The following BLK variants were observed in gnomAD, a reference collection of about 807,000 sequenced individuals.
BLK encodes tyrosine-protein kinase Blk.
Under a neutral mutation model 61.8 loss-of-function variants are expected in BLK, and 64 were observed. The observed-to-expected ratio is 1.03, with a 90% CI of 0.85 to 1.27. The LOEUF (loss-of-function observed/expected upper bound fraction) is 1.27. Among genes scored for constraint, BLK ranks in the 50% most tolerant of loss-of-function variants. BLK has a pLI of 0.00. For missense variants in BLK, 853 were observed against 660.5 expected (o/e 1.29, Z -3.19); for synonymous variants, 351 against 272.0 (o/e 1.29, Z -2.86).
At chr8:11,562,069 T>C (rs1276759499) in intron 11 of BLK, among the ~76,000 whole-genome samples, 3 of 152,190 alleles carry the variant, frequency 2.0e-5, no homozygotes. Context: ...TCTGCCTGCC[T>C]TGACCTCCCA....
rs771406613 is a variant in BLK at position 11,555,444 on chromosome 8, C to T, written c.732C>T (p.Val244=). ...TCCCCCGGCAGTCTCTCAGGCTGGT[C>T]AGGAAACTCGGGTCTGGACAATTCG... The part of the protein sequence containing the change: ...WEIPRQSLRL[V]RKLGSGQFGE... Residue 244 remains valine, a synonymous_variant, in exon 8 of 13, where the codon GTC becomes GTT. Coordinates refer to ENST00000259089, the MANE Select transcript of BLK (RefSeq NM_001715.3). 1 of 1,614,162 alleles carries T rather than the reference C, an allele frequency of 6.2e-7. No homozygotes were observed. Among genetic ancestry groups the T allele is most frequent in the Non-Finnish European group, 8.5e-7 (1 of 1,180,016 alleles).
intron 7 of BLK, 77 bp from the exon 8 acceptor site, chr8:11,555,255 T>C: frequency 1.2e-6 from 2 of 1,600,314 alleles, no homozygotes; most frequent in Non-Finnish European, 1.7e-6. Flanking sequence ...GAGGGCCAGC[T>C]AGGAATGATA....
rs1372529914 is a variant in BLK, at chr8:11,541,039, G to A, written c.-1-2185G>A. 2.0e-5 allele frequency among the ~76,000 whole-genome samples: 3 copies of A among 152,186 alleles called. No homozygotes were observed. In the South Asian group the frequency reaches 6.2e-4, roughly 32 times the overall value. ...CCAGTACTTTGGGAGGCTGAGATGGGCAGGTCACTTGAGCTCTGGAGTTTG... is the reference window on the plus strand; with the variant it reads ...CCAGTACTTTGGGAGGCTGAGATGGACAGGTCACTTGAGCTCTGGAGTTTG... On this transcript the variant is annotated intron_variant, in intron 1 of 12. Coordinates refer to ENST00000259089, the MANE Select transcript of BLK (RefSeq NM_001715.3).
chr8:11,535,123 A>G (rs1469925106), intron 1 of BLK, among the ~76,000 whole-genome samples: 1 of 151,944 alleles, frequency 6.6e-6, no homozygotes, highest in Non-Finnish European at 1.5e-5. Flanking sequence ...GGCTGCAGTG[A>G]GCCATGATCA....
chr8:11,538,193 C>G (rs998100166), intron 1 of BLK, among the ~76,000 whole-genome samples: 43 of 152,174 alleles, frequency 2.8e-4, no homozygotes, highest in African/African-American at 7.5e-4. Context: ...TCCTCTCCCA[C>G]TCTCTCACAA....
chr8:11,539,369 G>C (rs890972389), intron 1 of BLK, among the ~76,000 whole-genome samples: 5 of 152,172 alleles, frequency 3.3e-5, no homozygotes, highest in Admixed American at 1.3e-4. Context: ...AGTTGTATGA[G>C]AGATTTATAG....
chr8:11,494,623 G>T (rs567338731), intron 1 of BLK, 32 bp downstream of exon 1: 1 of 152,392 alleles, frequency 6.6e-6, no homozygotes, highest in African/African-American at 2.4e-5. Context: ...GTTCTTTATC[G>T]TCTTCCTTTA....
chr8:11,560,757 C>T (rs947529958), intron 10 of BLK: 1 of 426,634 alleles, frequency 2.3e-6, no homozygotes, highest in African/African-American at 2.0e-5. Context: ...ACAAATCAAC[C>T]TCGTCTAATG....
intron 8 of BLK, 91 bp from the exon 9 acceptor site, chr8:11,556,567 C>T (rs749113818): frequency 2.1e-5 from 31 of 1,495,240 alleles, no homozygotes; most frequent in Non-Finnish European, 2.5e-5. Context: ...AATGGGGTGG[C>T]ACCTGGGCAC....
chr8:11,498,257 G>A (rs1447427579), intron 1 of BLK, among the ~76,000 whole-genome samples: 1 of 152,184 alleles, frequency 6.6e-6, no homozygotes, highest in East Asian at 1.9e-4. Context: ...GTGTATGTGT[G>A]AAACGCACAA....
intron 1 of BLK, among the ~76,000 whole-genome samples, chr8:11,528,795 T>C (rs1262095907): frequency 2.6e-5 from 4 of 152,100 alleles, no homozygotes; most frequent in Non-Finnish European, 5.9e-5. Context: ...ATTATGTCCT[T>C]TGCATGGAAG....
intron 10 of BLK, chr8:11,559,016 G>A (rs557011793): frequency 3.0e-4 from 138 of 456,254 alleles, no homozygotes; most frequent in African/African-American, 1.8e-3. Flanking sequence ...GCTGGTAACC[G>A]GCTTCAAACC....
In BLK at chr8:11,500,466, G is replaced by C. The variant is rs559442660; in HGVS notation, c.-2+5875G>C. ...CTGCCTTGGCCTCCCAAAGTGTTGG[G>C]ATTACAAGCATAAACCACTGCACCT... On this transcript the variant is annotated intron_variant, in intron 1 of 12. Coordinates refer to ENST00000259089, the MANE Select transcript of BLK (RefSeq NM_001715.3). Among the ~76,000 whole-genome samples, 71 of 152,176 alleles carry C rather than the reference G, an allele frequency of 4.7e-4. 1 individual carries two copies. The highest frequency in any genetic ancestry group is 9.3e-4 in the Non-Finnish European group (63 of 68,002).
intron 1 of BLK, among the ~76,000 whole-genome samples, chr8:11,501,313 T>G (rs1033899145): frequency 6.6e-6 from 1 of 152,152 alleles, no homozygotes; most frequent in African/African-American, 2.4e-5. Context: ...CCCATTTTCT[T>G]GATTTTATTT....
Position 11,563,923 on chromosome 8 carries a change from A to G in BLK, c.1333A>G (p.Ile445Val). 1 of 1,608,970 alleles carries G rather than the reference A, an allele frequency of 6.2e-7. No individual in the cohort carries two copies. The change falls in exon 13 of 13, where the codon ATC (isoleucine) becomes GTC (valine). Residue 445 changes from isoleucine (I) to valine (V), a missense_variant. By Grantham distance (29) the Ile-to-Val change is conservative. Coordinates refer to ENST00000259089, the MANE Select transcript of BLK (RefSeq NM_001715.3). ...CGCAGGGATGAGCAACCCCGAGGTC[A>G]TCCGCAACCTGGAGCGCGGCTACCG... ...PYPGMSNPEVIRNLERGYRMP... is the reference protein window; with the variant it reads ...PYPGMSNPEVVRNLERGYRMP...
At chr8:11,536,017 C>A (rs1369321412) in intron 1 of BLK, among the ~76,000 whole-genome samples, 3 of 152,170 alleles carry the variant, frequency 2.0e-5, no homozygotes, top group African/African-American at 4.8e-5. Context: ...TATATACGAA[C>A]CTTGTTTGAA....
At chr8:11,515,251 T>G (rs1799179140) in intron 1 of BLK, among the ~76,000 whole-genome samples, 3 of 152,130 alleles carry the variant, frequency 2.0e-5, no homozygotes, top group Admixed American at 2.0e-4. Context: ...GGTCTGGGCT[T>G]ACATCCTCCC....
In BLK at chr8:11,515,754, G is replaced by C. The variant is rs80227647; in HGVS notation, c.-2+21163G>C. Among the ~76,000 whole-genome samples the C allele has an allele frequency of 5.7e-3, 868 of 152,326 alleles. 6 individuals carry two copies. Among genetic ancestry groups the C allele is most frequent in the African/African-American group, 0.02 (819 of 41,568 alleles). On this transcript the variant is annotated intron_variant, in intron 1 of 12. Transcript: ENST00000259089. ...TCATGTCATATGTGCTGCGCTGCAT[G>C]CGGGGATGGCCCAGAACAGCTTCCT...
At chr8:11,499,085 A>G (rs1350570740) in intron 1 of BLK, among the ~76,000 whole-genome samples, 3 of 152,262 alleles carry the variant, frequency 2.0e-5, no homozygotes, top group African/African-American at 7.2e-5. Flanking sequence ...CACAGGGCAC[A>G]TAAGATTTCG....
Sources: allele counts gnomAD v4.1 joint callset (sites outside exome capture counted in the v4.1 genomes callset), GRCh38; gene constraint gnomAD v4.1.1; transcripts MANE v1.5; gene names NCBI Gene and HGNC (gene_info 2026-07-23, HGNC 2026-07-21).